MAF: variants seen among roughly 807,000 people sequenced by gnomAD.
MAF encodes the protein transcription factor Maf.
MAF carries 10 observed loss-of-function variants against 22.0 expected under a neutral mutation model. The observed-to-expected ratio is 0.45, with a 90% CI of 0.28 to 0.77. The LOEUF (loss-of-function observed/expected upper bound fraction) is 0.77. Among genes scored for constraint, MAF ranks in the 30% least tolerant of loss-of-function variants. The probability of loss-of-function intolerance (pLI) is 0.12; values close to 1 mark genes in which losing one functional copy is unlikely to be tolerated. For missense variants in MAF, 544 were observed against 548.4 expected (o/e 0.99, Z 0.08); for synonymous variants, 337 against 255.8 (o/e 1.32, Z -3.03).
At chr16:79,429,866 GA>G in the MAF span, among the ~76,000 whole-genome samples, 1 of 152,142 alleles carries the variant, frequency 6.6e-6, no homozygotes, top group African/African-American at 2.4e-5. Context: ...AACCCCCCAG[GA>G]AAGGTGTCAC....
At chr16:79,491,499 C>T in the MAF span, among the ~76,000 whole-genome samples, 1 of 152,096 alleles carries the variant, frequency 6.6e-6, no homozygotes, top group Non-Finnish European at 1.5e-5. Flanking sequence ...AGCTGTCACA[C>T]CACTGCCCCA....
chr16:79,393,659 A>AT, the MAF span, among the ~76,000 whole-genome samples: 4 of 152,144 alleles, frequency 2.6e-5, no homozygotes, highest in African/African-American at 7.2e-5. Flanking sequence ...GGATTATTCC[A>AT]GAAAGGTGGT....
At chr16:79,554,410 C>T in the MAF span, among the ~76,000 whole-genome samples, 1 of 152,146 alleles carries the variant, frequency 6.6e-6, no homozygotes, top group African/African-American at 2.4e-5. Context: ...TGGGCTACAT[C>T]AGAGATGCTG....
At chr16:79,238,265 A>G in the MAF span, among the ~76,000 whole-genome samples, 804 of 152,148 alleles carry the variant, frequency 5.3e-3, 9 homozygotes, top group African/African-American at 0.018. Context: ...CCCAGGACCC[A>G]AGCTGTCCCT....
the MAF span, among the ~76,000 whole-genome samples, chr16:79,552,186 T>C: frequency 6.6e-6 from 1 of 151,650 alleles, no homozygotes; most frequent in Non-Finnish European, 1.5e-5. Flanking sequence ...TGCTGCCTTG[T>C]TCTTCTGAAC....
the MAF span, among the ~76,000 whole-genome samples, chr16:79,430,714 T>A: frequency 6.6e-6 from 1 of 152,214 alleles, no homozygotes; most frequent in Non-Finnish European, 1.5e-5. Flanking sequence ...CAGCTGGTGC[T>A]GATTTGTGCT....
chr16:79,326,916 CA>C, the MAF span, among the ~76,000 whole-genome samples: 1 of 152,138 alleles, frequency 6.6e-6, no homozygotes, highest in Non-Finnish European at 1.5e-5. Flanking sequence ...AAGAGAAACG[CA>C]GATGAAGGAT....
the MAF span, among the ~76,000 whole-genome samples, chr16:79,542,889 T>C: frequency 3.0e-4 from 46 of 152,248 alleles, no homozygotes; most frequent in African/African-American, 1.1e-3. Flanking sequence ...CTCTGGGTGG[T>C]TTTTATATCA....
At chr16:79,215,599 A>G in the MAF span, among the ~76,000 whole-genome samples, 1 of 152,282 alleles carries the variant, frequency 6.6e-6, no homozygotes, top group Non-Finnish European at 1.5e-5. Flanking sequence ...TGGATCCTGC[A>G]GGGTTCACAT....
chr16:79,598,672 G>A (rs1913747269), intron 1 of MAF, 113 bp downstream of exon 1: 2 of 1,550,882 alleles, frequency 1.3e-6, no homozygotes, highest in Non-Finnish European at 1.7e-6. Flanking sequence ...GGTGGGGGTG[G>A]GGGTGGTGAG....
At chr16:79,384,885 T>C in the MAF span, among the ~76,000 whole-genome samples, 1 of 152,172 alleles carries the variant, frequency 6.6e-6, no homozygotes, top group East Asian at 1.9e-4. Context: ...CAGTAGCTTG[T>C]GCAAACAAAA....
chr16:79,346,317 G>C, the MAF span, among the ~76,000 whole-genome samples: 17 of 151,910 alleles, frequency 1.1e-4, no homozygotes, highest in Non-Finnish European at 1.9e-4. Context: ...GAGAATGATG[G>C]TTTCCAGCTT....
At chr16:79,336,905 T>G in the MAF span, among the ~76,000 whole-genome samples, 1 of 152,186 alleles carries the variant, frequency 6.6e-6, no homozygotes, top group Non-Finnish European at 1.5e-5. Context: ...ATTTATTGAG[T>G]GCCTGGGGTG....
At chr16:79,513,362 T>C in the MAF span, among the ~76,000 whole-genome samples, 1 of 152,338 alleles carries the variant, frequency 6.6e-6, no homozygotes, top group South Asian at 2.1e-4. Flanking sequence ...GAATGTCAAG[T>C]TCCCCAACTG....
chr16:79,375,767 A>G, the MAF span, among the ~76,000 whole-genome samples: 1 of 152,172 alleles, frequency 6.6e-6, no homozygotes, highest in Non-Finnish European at 1.5e-5. Context: ...CACCCAATGA[A>G]ATAATCACCC....
chr16:79,527,341 CA>C, the MAF span, among the ~76,000 whole-genome samples: 9 of 152,292 alleles, frequency 5.9e-5, no homozygotes, highest in South Asian at 1.7e-3. Flanking sequence ...TAAATAACCT[CA>C]AAAAGAAAGC....
the MAF span, among the ~76,000 whole-genome samples, chr16:79,550,017 T>G: frequency 6.6e-6 from 1 of 152,128 alleles, no homozygotes; most frequent in African/African-American, 2.4e-5. Flanking sequence ...AGGAGAAGCT[T>G]CTTTCTGTCA....
the MAF span, among the ~76,000 whole-genome samples, chr16:79,242,655 A>T: frequency 6.6e-6 from 1 of 151,572 alleles, no homozygotes. Context: ...TGAGACAGAA[A>T]ATTAACAAGG....
At chr16:79,284,267 G>C in the MAF span, among the ~76,000 whole-genome samples, 1 of 152,156 alleles carries the variant, frequency 6.6e-6, no homozygotes, top group East Asian at 1.9e-4. Flanking sequence ...TATGAAAGAT[G>C]TTGCACTTCC....
Sources: allele counts gnomAD v4.1 joint callset (sites outside exome capture counted in the v4.1 genomes callset), GRCh38; gene constraint gnomAD v4.1.1; transcripts MANE v1.5; gene names NCBI Gene and HGNC (gene_info 2026-07-23, HGNC 2026-07-21).